Variants in RCAN1 observed in about 807,000 individuals in gnomAD.
The protein encoded by RCAN1 is calcipressin-1.
Under a neutral mutation model 22.9 loss-of-function variants are expected in RCAN1, and 11 were observed. The observed-to-expected ratio is 0.48, with a 90% CI of 0.30 to 0.79. The LOEUF (loss-of-function observed/expected upper bound fraction) is 0.79. RCAN1 is among the 30% of genes least tolerant of loss of function. The pLI, the probability that RCAN1 is intolerant of heterozygous loss-of-function variation, is 0.06. For synonymous variants in RCAN1, 136 were observed against 142.3 expected (o/e 0.96, Z 0.32); for missense variants, 291 against 337.8 (o/e 0.86, Z 1.09).
intron 2 of RCAN1, 93 bp downstream of exon 2, chr21:34,523,444 C>T (rs1333626488): frequency 3.9e-5 from 47 of 1,213,736 alleles, no homozygotes; most frequent in African/African-American, 1.2e-4. Context: ...TCAGAGTTTC[C>T]GGTCAGCATA....
chr21:34,554,954 C>T (rs1441293726), intron 1 of RCAN1, among the ~76,000 whole-genome samples: 4 of 152,154 alleles, frequency 2.6e-5, no homozygotes, highest in African/African-American at 9.7e-5. Context: ...AAGACCTGCC[C>T]CCATGATTCA....
intron 1 of RCAN1, among the ~76,000 whole-genome samples, chr21:34,576,038 C>T (rs1669020009): frequency 6.6e-6 from 1 of 152,128 alleles, no homozygotes; most frequent in South Asian, 2.1e-4. Flanking sequence ...TCCAAAACTG[C>T]TGTGCCCTAT....
At chr21:34,613,818 T>C (rs543372829) in intron 1 of RCAN1, 37 of 1,490,440 alleles carry the variant, frequency 2.5e-5, no homozygotes, top group African/African-American at 1.4e-4. Flanking sequence ...TGGTGTTGTA[T>C]TGGCAGCAGC....
chr21:34,561,123 CT>C (rs1405500246), intron 1 of RCAN1, among the ~76,000 whole-genome samples: 2 of 152,196 alleles, frequency 1.3e-5, no homozygotes. Flanking sequence ...AGGTTGCCTG[CT>C]TCTCCTTTGC....
In RCAN1 at chr21:34,614,711, A is replaced by G; in HGVS notation, c.252+49T>C. The G allele has an allele frequency of 7.3e-7, 1 of 1,365,356 alleles. No individual in the cohort carries two copies. 84.6% of individuals were successfully genotyped at this position (1,365,356 alleles called of 1,614,324 possible). ...TGCGACCCGCGCCGCCTCCTCGGGC[A>G]ACAAGTGTCCGCCCTCCGCCCCGAC... is the stretch of plus-strand genomic sequence containing the variant. On this transcript the variant is annotated intron_variant, in intron 1 of 3. Coordinates refer to ENST00000313806, the MANE Select transcript of RCAN1 (RefSeq NM_004414.7). The surrounding 1 kb of genome is among the most constrained non-coding windows in gnomAD (Gnocchi z 6.0).
chr21:34,530,437 T>G (rs1355061738), intron 1 of RCAN1, among the ~76,000 whole-genome samples: 1 of 152,142 alleles, frequency 6.6e-6, no homozygotes, highest in African/African-American at 2.4e-5. Context: ...AGTTGACAAC[T>G]GCACCAAGAA....
chr21:34,538,704 C>G (rs996719934), intron 1 of RCAN1, among the ~76,000 whole-genome samples: 1 of 152,132 alleles, frequency 6.6e-6, no homozygotes, highest in Non-Finnish European at 1.5e-5. Context: ...GCAGGAGGAC[C>G]GGGCCTTGAT....
chr21:34,580,134 C>G (rs895683942), intron 1 of RCAN1, among the ~76,000 whole-genome samples: 2 of 152,208 alleles, frequency 1.3e-5, no homozygotes, highest in African/African-American at 4.8e-5. Flanking sequence ...CAAGGATTCC[C>G]AGTGAGAATG....
intron 1 of RCAN1, among the ~76,000 whole-genome samples, chr21:34,585,688 A>T (rs1215765602): frequency 2.1e-5 from 3 of 139,786 alleles, no homozygotes; most frequent in African/African-American, 7.9e-5. Flanking sequence ...GCTTGCAGTG[A>T]GCCGAGATTG....
Position 34,518,256 on chromosome 21 carries a change from C to G in RCAN1, c.587G>C (p.Gly196Ala). 6.2e-7 allele frequency: 1 copy of G among 1,613,524 alleles called. No homozygotes were observed. Among genetic ancestry groups the G allele is most frequent in the Non-Finnish European group, 8.5e-7 (1 of 1,179,576 alleles). Reference protein sequence around the residue: ...LLYAISKLGPGEKYELHAATD... With the variant: ...LLYAISKLGPAEKYELHAATD... ...CGCTGCGTGCAATTCATACTTTTCC[C>G]CTAAGGAGGGAAAATAATCGCAGGG... The change falls in exon 4 of 4, where the codon GGG (glycine) becomes GCG (alanine). Residue 196 changes from glycine (G) to alanine (A), a missense_variant and splice_region_variant. Physicochemically the swap from Gly to Ala is moderately conservative, Grantham distance 60. Coordinates refer to ENST00000313806, the MANE Select transcript of RCAN1 (RefSeq NM_004414.7). This position sits in a 1 kb window ranked among gnomAD's most constrained non-coding sequence, Gnocchi z 4.2.
intron 1 of RCAN1, among the ~76,000 whole-genome samples, chr21:34,531,598 C>T (rs992876397): frequency 5.9e-5 from 9 of 152,214 alleles, no homozygotes; most frequent in Non-Finnish European, 1.0e-4. Context: ...TGACCAAGCT[C>T]GGTCACGTTC....
chr21:34,525,080 C>T (rs765345867), intron 1 of RCAN1: 17 of 1,550,516 alleles, frequency 1.1e-5, no homozygotes, highest in Non-Finnish European at 1.5e-5. Context: ...ACAGAGCTCA[C>T]TGAGGACCTT....
At chr21:34,551,646 C>G (rs1176902156) in intron 1 of RCAN1, among the ~76,000 whole-genome samples, 1 of 152,106 alleles carries the variant, frequency 6.6e-6, no homozygotes, top group Non-Finnish European at 1.5e-5. Context: ...TTAAGTCAAT[C>G]TTAAAGAATT....
chr21:34,552,535 A>AT (rs916933334), intron 1 of RCAN1, among the ~76,000 whole-genome samples: 2 of 152,150 alleles, frequency 1.3e-5, no homozygotes, highest in Admixed American at 6.5e-5. Flanking sequence ...GGTTTACGAG[A>AT]TTTTTTCCAG....
Position 34,517,975 on chromosome 21 carries a change from C to T in RCAN1, c.*109G>A. 1.5e-6 allele frequency: 2 copies of T among 1,357,676 alleles called. No individual in the cohort carries two copies. The highest frequency in any genetic ancestry group is 2.1e-6 in the Non-Finnish European group (2 of 973,814). 84.1% of individuals were successfully genotyped at this position (1,357,676 alleles called of 1,614,324 possible). A position where few individuals can be genotyped will look rare whatever the true frequency, so the allele number is the denominator to read the frequency against. ...TGAGCAACATGAACTGGGATTTCTG[C>T]CACCCCGATCTCGGCTGCCACCTCC... is the stretch of plus-strand genomic sequence containing the variant. On this transcript the variant is annotated 3_prime_UTR_variant, in exon 4 of 4. Coordinates refer to ENST00000313806, the MANE Select transcript of RCAN1 (RefSeq NM_004414.7).
chr21:34,565,302 C>T (rs1262661045), intron 1 of RCAN1, among the ~76,000 whole-genome samples: 2 of 152,200 alleles, frequency 1.3e-5, no homozygotes, highest in African/African-American at 2.4e-5. Context: ...CCGTTGGCAA[C>T]AGGTTGGAAA....
At chr21:34,601,682 G>A (rs1988353004) in intron 1 of RCAN1, among the ~76,000 whole-genome samples, 1 of 152,068 alleles carries the variant, frequency 6.6e-6, no homozygotes, top group Non-Finnish European at 1.5e-5. Context: ...GCCAGGCGTG[G>A]TGGTGGGCGC....
chr21:34,560,698 T>C (rs1986757585), intron 1 of RCAN1, among the ~76,000 whole-genome samples: 1 of 152,182 alleles, frequency 6.6e-6, no homozygotes. Flanking sequence ...GAAAATCATG[T>C]GTGAAAAATT....
chr21:34,527,063 C>T (rs1031571034), intron 1 of RCAN1: 2 of 845,150 alleles, frequency 2.4e-6, no homozygotes, highest in African/African-American at 3.7e-5. Flanking sequence ...GAAAAAACAG[C>T]TGAGGTTTGC....
Sources: gnomAD v4.1 joint callset for allele counts (sites outside exome capture counted in the v4.1 genomes callset) on GRCh38, gnomAD v4.1.1 for gene constraint, Gnocchi (gnomAD v3.1) non-coding constraint, MANE v1.5 for transcripts, NCBI Gene and HGNC (gene_info 2026-07-23, HGNC 2026-07-21) for gene names.